The following SPRED1 variants were observed in gnomAD, a reference collection of about 807,000 sequenced individuals.
The protein encoded by SPRED1 is sprouty-related, EVH1 domain-containing protein 1.
In SPRED1, 18 loss-of-function variants were observed where a neutral mutation model predicts 52.3. The ratio of observed to expected loss-of-function variants is 0.34; its 90% CI spans 0.24 to 0.51. The LOEUF is 0.51. SPRED1 is among the 20% of genes least tolerant of loss of function. SPRED1 has a pLI of 0.97. For synonymous variants in SPRED1, 155 were observed against 179.7 expected (o/e 0.86, Z 1.10); for missense variants, 485 against 551.0 (o/e 0.88, Z 1.20).
chr15:38,260,664 A>C (rs1296199272), intron 1 of SPRED1, among the ~76,000 whole-genome samples: 1 of 152,252 alleles, frequency 6.6e-6, no homozygotes, highest in Non-Finnish European at 1.5e-5. Context: ...ACCATATCAA[A>C]ATGAAAAATA....
At chr15:38,275,865 T>A (rs1894541175) in intron 1 of SPRED1, among the ~76,000 whole-genome samples, 1 of 152,192 alleles carries the variant, frequency 6.6e-6, no homozygotes, top group African/African-American at 2.4e-5. Context: ...TTATTCACAA[T>A]ACCCAGGTAA....
intron 1 of SPRED1, among the ~76,000 whole-genome samples, chr15:38,294,768 A>G (rs759292206): frequency 6.6e-6 from 1 of 152,202 alleles, no homozygotes; most frequent in Non-Finnish European, 1.5e-5. Flanking sequence ...CTGTACTGCT[A>G]GTCATTTTGT....
intron 2 of SPRED1, among the ~76,000 whole-genome samples, chr15:38,318,406 C>T (rs964610207): frequency 6.6e-5 from 10 of 152,070 alleles, no homozygotes; most frequent in African/African-American, 2.4e-4. Context: ...TTGGCCTCTT[C>T]ATTTCCTCAG....
At chr15:38,347,857 T>G (rs1896174625) in intron 5 of SPRED1, among the ~76,000 whole-genome samples, 1 of 152,054 alleles carries the variant, frequency 6.6e-6, no homozygotes. Flanking sequence ...TACCAAATTT[T>G]GAGGGTATTA....
At chr15:38,290,989 C>T (rs1486470375) in intron 1 of SPRED1, among the ~76,000 whole-genome samples, 5 of 152,120 alleles carry the variant, frequency 3.3e-5, no homozygotes, top group African/African-American at 1.2e-4. Flanking sequence ...ACCCAAAAGT[C>T]CAGAGTCCAA....
Position 38,324,751 on chromosome 15 carries a change from C to G in SPRED1, c.377-12C>G, listed in dbSNP as rs371837252. On this transcript the variant is annotated splice_polypyrimidine_tract_variant and intron_variant, in intron 3 of 6. Coordinates refer to ENST00000299084, the MANE Select transcript of SPRED1 (RefSeq NM_152594.3). The stretch of plus-strand genomic sequence containing the variant: ...AATTCTATACTTAATTAACTTTTAT[C>G]TATTTTCTTAGGATGCCCCGAATCA... The G allele has an allele frequency of 6.3e-7, 1 of 1,595,878 alleles. No homozygotes were observed. Among genetic ancestry groups the G allele is most frequent in the Admixed American group, 1.7e-5 (1 of 58,382 alleles).
intron 2 of SPRED1, among the ~76,000 whole-genome samples, chr15:38,307,364 T>C (rs1261984102): frequency 6.6e-6 from 1 of 152,164 alleles, no homozygotes; most frequent in Non-Finnish European, 1.5e-5. Flanking sequence ...AGGTGGGAAG[T>C]CCAAGGTATT....
chr15:38,330,831 AT>A (rs1484492863), intron 4 of SPRED1, among the ~76,000 whole-genome samples: 1 of 152,130 alleles, frequency 6.6e-6, no homozygotes, highest in African/African-American at 2.4e-5. Flanking sequence ...CGACTGTGAT[AT>A]CCCTTTTTTT....
intron 1 of SPRED1, among the ~76,000 whole-genome samples, chr15:38,289,557 G>C (rs566495349): frequency 3.3e-5 from 5 of 152,270 alleles, no homozygotes; most frequent in African/African-American, 1.2e-4. Context: ...GATATAGGGA[G>C]ATTATCCTGG....
At chr15:38,342,675 GAGA>G (rs1365550941) in intron 5 of SPRED1, among the ~76,000 whole-genome samples, 3 of 151,938 alleles carry the variant, frequency 2.0e-5, no homozygotes, top group Non-Finnish European at 4.4e-5. Flanking sequence ...TAATACCATT[GAGA>G]AGAAGTTTCT....
At chr15:38,264,191 T>C (rs1894258430) in intron 1 of SPRED1, among the ~76,000 whole-genome samples, 1 of 152,192 alleles carries the variant, frequency 6.6e-6, no homozygotes, top group African/African-American at 2.4e-5. Flanking sequence ...ATCCATAGTT[T>C]ACAGATGAGA....
chr15:38,268,940 CTTTTT>C (rs66775738), intron 1 of SPRED1, among the ~76,000 whole-genome samples: 4 of 121,864 alleles, frequency 3.3e-5, no homozygotes, highest in Non-Finnish European at 7.3e-5. Flanking sequence ...TAACTTTTTT[CTTTTT>C]TTTTTTTTTT....
chr15:38,288,134 A>G (rs542718290), intron 1 of SPRED1, among the ~76,000 whole-genome samples: 1 of 152,280 alleles, frequency 6.6e-6, no homozygotes, highest in South Asian at 2.1e-4. Flanking sequence ...TTCTGGAGTC[A>G]TGTTTACCTA....
At chr15:38,264,533 G>A (rs575365408) in intron 1 of SPRED1, among the ~76,000 whole-genome samples, 1 of 150,784 alleles carries the variant, frequency 6.6e-6, no homozygotes, top group Non-Finnish European at 1.5e-5. Flanking sequence ...AGGGATGAAG[G>A]TTATTGGAGA....
chr15:38,319,605 T>C (rs967645913), intron 2 of SPRED1, among the ~76,000 whole-genome samples: 1 of 152,208 alleles, frequency 6.6e-6, no homozygotes, highest in Non-Finnish European at 1.5e-5. Context: ...CTTGAACTCC[T>C]GACCTCAGTT....
intron 1 of SPRED1, among the ~76,000 whole-genome samples, chr15:38,265,819 C>G (rs1299613076): frequency 6.6e-6 from 1 of 152,016 alleles, no homozygotes; most frequent in Non-Finnish European, 1.5e-5. Context: ...AAGCAGAAAT[C>G]TATTTTCGTG....
At chr15:38,338,342 T>C (rs1166738733) in intron 4 of SPRED1, among the ~76,000 whole-genome samples, 2 of 150,782 alleles carry the variant, frequency 1.3e-5, no homozygotes, top group African/African-American at 4.9e-5. Context: ...TTGCTTATGA[T>C]TTTTGACAAT....
chr15:38,344,606 A>G lies in SPRED1; in HGVS notation c.582+4711A>G, dbSNP rs78810989. On this transcript the variant is annotated intron_variant, in intron 5 of 6. Transcript: ENST00000299084. ...CTATTCTGTTTGGGTCTGAATTCCA[A>G]CTTCTTTACTTACTAGCTGTGTGGC... is the stretch of plus-strand genomic sequence containing the variant. 1.4e-4 allele frequency among the ~76,000 whole-genome samples: 21 copies of G among 152,278 alleles called. No homozygotes were observed. In the East Asian group the frequency reaches 1.7e-3, roughly 13 times the overall value.
intron 2 of SPRED1, 47 bp from the exon 3 acceptor site, chr15:38,322,194 T>A: frequency 3.2e-6 from 5 of 1,557,458 alleles, no homozygotes; most frequent in Non-Finnish European, 4.4e-6. Flanking sequence ...CTACATTAGA[T>A]GCATTTGATA....
Sources: allele counts gnomAD v4.1 joint callset (sites outside exome capture counted in the v4.1 genomes callset), GRCh38; gene constraint gnomAD v4.1.1; transcripts MANE v1.5; gene names NCBI Gene and HGNC (gene_info 2026-07-23, HGNC 2026-07-21).